PRKCE: variants seen among roughly 807,000 people sequenced by gnomAD.
PRKCE encodes protein kinase C epsilon type.
A neutral mutation model predicts 85.4 loss-of-function variants in PRKCE; 16 were observed. The observed-to-expected ratio is 0.19, with a 90% CI of 0.13 to 0.28. PRKCE has a LOEUF of 0.28. Ranked by LOEUF, PRKCE falls within the 10% of genes least tolerant of loss-of-function variation. The pLI, the probability that PRKCE is intolerant of heterozygous loss-of-function variation, is 1.00. For synonymous variants in PRKCE, 388 were observed against 371.5 expected (o/e 1.04, Z -0.51); for missense variants, 573 against 975.2 (o/e 0.59, Z 5.49).
chr2:45,852,584 A>C lies in PRKCE; in HGVS notation c.412+9521A>C, dbSNP rs948244271. The stretch of plus-strand genomic sequence containing the variant: ...GGAGATGTCCAGCAACAAGTCATTT[A>C]CTCTACTTGGGTCCCACTGGCCTGC... On this transcript the variant is annotated intron_variant, in intron 2 of 14. Coordinates refer to ENST00000306156, the MANE Select transcript of PRKCE (RefSeq NM_005400.3). Among the ~76,000 whole-genome samples, 6 of 152,092 alleles carry C rather than the reference A, an allele frequency of 3.9e-5. No individual in the cohort carries two copies. In the East Asian group the frequency reaches 1.2e-3, roughly 29 times the overall value.
intron 10 of PRKCE, among the ~76,000 whole-genome samples, chr2:46,042,344 G>A (rs911696785): frequency 3.3e-5 from 5 of 152,210 alleles, no homozygotes; most frequent in African/African-American, 1.2e-4. Flanking sequence ...GAACAGGTGA[G>A]GAAAGTAGTT....
chr2:46,004,729 G>T lies in PRKCE; in HGVS notation c.1063+91G>T. On this transcript the variant is annotated intron_variant, in intron 8 of 14. Transcript: ENST00000306156. This position sits in a 1 kb window ranked among gnomAD's most constrained non-coding sequence, Gnocchi z 4.1. ...GGCCTCTTTAACCAAGAGTGAGCTT[G>T]TTAGCTGAAATAGCTAGCAGCCCTG... The T allele has an allele frequency of 1.1e-5, 12 of 1,133,498 alleles. No individual in the cohort carries two copies. The South Asian group carries it at 1.5e-4, about 14-fold the overall frequency. The allele number at this position is 1,133,498 out of a possible 1,614,324, so 70.2% of individuals were successfully genotyped here.
At chr2:45,687,925 G>A (rs13429882) in intron 1 of PRKCE, among the ~76,000 whole-genome samples, 19,134 of 152,180 alleles carry the variant, frequency 0.13, 1,934 homozygotes, top group African/African-American at 0.27. Flanking sequence ...CCAGTGTGAT[G>A]GGAGTGGCTG....
At chr2:46,114,529 C>T (rs1440868168) in intron 11 of PRKCE, among the ~76,000 whole-genome samples, 5 of 150,624 alleles carry the variant, frequency 3.3e-5, no homozygotes, top group South Asian at 4.2e-4. Context: ...GCCATTCTCC[C>T]GCGTCAGCCT....
At chr2:45,991,723 T>G (rs1703815007) in intron 6 of PRKCE, among the ~76,000 whole-genome samples, 1 of 152,244 alleles carries the variant, frequency 6.6e-6, no homozygotes, top group African/African-American at 2.4e-5. Context: ...AAACAATCAC[T>G]TTAAACCCTT....
chr2:45,938,033 C>A (rs1225372907), intron 2 of PRKCE, among the ~76,000 whole-genome samples: 1 of 152,206 alleles, frequency 6.6e-6, no homozygotes, highest in African/African-American at 2.4e-5. Flanking sequence ...TAATGTCACT[C>A]AGAGGGTCCC....
At chr2:45,658,513 T>C (rs1228497329) in intron 1 of PRKCE, among the ~76,000 whole-genome samples, 2 of 152,238 alleles carry the variant, frequency 1.3e-5, no homozygotes, top group African/African-American at 4.8e-5. Flanking sequence ...GAGTTCTAAC[T>C]GGAAGGCATC....
intron 2 of PRKCE, among the ~76,000 whole-genome samples, chr2:45,954,146 G>A (rs2104361508): frequency 6.6e-6 from 1 of 152,330 alleles, no homozygotes; most frequent in Non-Finnish European, 1.5e-5. Flanking sequence ...GGCCTTAGGT[G>A]CGCAGGGACT....
chr2:46,013,530 C>G (rs1705864405), intron 10 of PRKCE, among the ~76,000 whole-genome samples: 1 of 152,158 alleles, frequency 6.6e-6, no homozygotes, highest in Non-Finnish European at 1.5e-5. Context: ...TTGGGAATAG[C>G]AGCTGGGTTT....
chr2:46,154,811 T>A (rs1209637376), intron 13 of PRKCE, among the ~76,000 whole-genome samples: 1 of 151,850 alleles, frequency 6.6e-6, no homozygotes. Context: ...TGATACCTGA[T>A]AGCAGTTTCC....
At chr2:45,716,322 G>C (rs557282889) in intron 1 of PRKCE, among the ~76,000 whole-genome samples, 1 of 152,276 alleles carries the variant, frequency 6.6e-6, no homozygotes, top group African/African-American at 2.4e-5. Context: ...TTCAAGATTA[G>C]CCTGGCCAAC....
At chr2:46,002,995 C>A (rs952571439) in intron 7 of PRKCE, among the ~76,000 whole-genome samples, 1 of 152,168 alleles carries the variant, frequency 6.6e-6, no homozygotes. Context: ...ACATTGTCTG[C>A]CTTGTCTTGG....
chr2:45,892,343 C>G (rs371246563), intron 2 of PRKCE, among the ~76,000 whole-genome samples: 17 of 147,740 alleles, frequency 1.2e-4, no homozygotes, highest in African/African-American at 4.0e-4. Context: ...TTGTATTTCT[C>G]TTATTGCTTA....
intron 6 of PRKCE, among the ~76,000 whole-genome samples, chr2:45,987,112 T>A (rs916810457): frequency 6.6e-6 from 1 of 152,072 alleles, no homozygotes; most frequent in Non-Finnish European, 1.5e-5. Context: ...TATTGATATT[T>A]TAAGAAAGCA....
intron 1 of PRKCE, among the ~76,000 whole-genome samples, chr2:45,826,833 G>T (rs976673863): frequency 5.9e-5 from 9 of 152,096 alleles, no homozygotes; most frequent in Admixed American, 4.6e-4. Context: ...AAATCCTTTT[G>T]GCTCTATCTT....
chr2:46,118,358 G>T (rs1001904022), intron 11 of PRKCE, among the ~76,000 whole-genome samples: 2 of 152,170 alleles, frequency 1.3e-5, no homozygotes, highest in East Asian at 3.8e-4. Flanking sequence ...GCTTGTCACT[G>T]TTCTACAATG....
intron 13 of PRKCE, among the ~76,000 whole-genome samples, chr2:46,158,464 T>C (rs970143818): frequency 1.3e-5 from 2 of 152,128 alleles, no homozygotes; most frequent in African/African-American, 4.8e-5. Context: ...TGAGGTGCAC[T>C]GGTACCATTC....
At chr2:46,024,903 G>T (rs1313215039) in intron 10 of PRKCE, among the ~76,000 whole-genome samples, 2 of 152,094 alleles carry the variant, frequency 1.3e-5, no homozygotes, top group Non-Finnish European at 2.9e-5. Flanking sequence ...AAGGAAACAC[G>T]TTGTCATGAA....
At chr2:45,934,398 C>T (rs991529720) in intron 2 of PRKCE, among the ~76,000 whole-genome samples, 13 of 152,170 alleles carry the variant, frequency 8.5e-5, no homozygotes, top group African/African-American at 2.9e-4. Flanking sequence ...CCTGTAATCC[C>T]AGCACTTTGG....
Sources: allele counts gnomAD v4.1 joint callset (sites outside exome capture counted in the v4.1 genomes callset), GRCh38; gene constraint gnomAD v4.1.1; non-coding constraint Gnocchi (gnomAD v3.1); transcripts MANE v1.5; gene names NCBI Gene and HGNC (gene_info 2026-07-23, HGNC 2026-07-21).